PDE8B: variants seen among roughly 807,000 people sequenced by gnomAD.
The protein encoded by PDE8B is high affinity cAMP-specific and IBMX-insensitive 3',5'-cyclic phosphodiesterase 8B.
In PDE8B, 26 loss-of-function variants were observed where a neutral mutation model predicts 101.3. The ratio of observed to expected loss-of-function variants is 0.26; its 90% CI spans 0.19 to 0.36. The LOEUF (loss-of-function observed/expected upper bound fraction) is 0.36, where lower values mean the gene tolerates loss of function less well. Among genes scored for constraint, PDE8B ranks in the 10% least tolerant of loss-of-function variants. PDE8B has a pLI of 1.00. For synonymous variants in PDE8B, 424 were observed against 429.3 expected (o/e 0.99, Z 0.15); for missense variants, 810 against 1,163.1 (o/e 0.70, Z 4.42).
the PDE8B span, among the ~76,000 whole-genome samples, chr5:77,158,263 G>T: frequency 4.6e-5 from 7 of 152,188 alleles, no homozygotes; most frequent in African/African-American, 1.7e-4. Flanking sequence ...AATGCACAAA[G>T]AATTAACTCT....
At chr5:77,153,766 G>A in the PDE8B span, among the ~76,000 whole-genome samples, 6 of 151,896 alleles carry the variant, frequency 4.0e-5, no homozygotes, top group Admixed American at 3.9e-4. Context: ...GTAGAGACGG[G>A]GTTTCACCAT....
Position 77,211,105 on chromosome 5 carries a change from AC to A in PDE8B, c.186del (p.Ser63AlafsTer2). The part of the protein sequence containing the change: ...DAIPPSRASG[P>X]PSVARVRRAR... ...CCATCCCCCCGAGCCGCGCGTCGGG[AC>A]CCCCCAGCGTAGCCCGCGTCCGCAG... On this transcript the variant is annotated frameshift_variant, in exon 1 of 22. Transcript: ENST00000264917. LOFTEE classifies it high-confidence loss of function. This position sits in a 1 kb window ranked among gnomAD's most constrained non-coding sequence, Gnocchi z 4.1. The A allele has an allele frequency of 4.7e-6, 7 of 1,491,254 alleles. No individual in the cohort carries two copies. The highest frequency in any genetic ancestry group is 5.6e-5 in the East Asian group (2 of 35,424). 92.4% of individuals were successfully genotyped at this position (1,491,254 alleles called of 1,614,324 possible).
intron 11 of PDE8B, among the ~76,000 whole-genome samples, chr5:77,403,770 C>T (rs1048526788): frequency 6.6e-6 from 1 of 151,690 alleles, no homozygotes; most frequent in Non-Finnish European, 1.5e-5. Flanking sequence ...TTTACTAGTT[C>T]AATAGTTCCC....
the PDE8B span, among the ~76,000 whole-genome samples, chr5:77,150,043 T>C: frequency 1.3e-5 from 2 of 152,228 alleles, no homozygotes; most frequent in East Asian, 1.9e-4. Flanking sequence ...AGAGGACGTG[T>C]AGCAGAGCTT....
At chr5:77,301,417 C>T (rs1769906885) in intron 1 of PDE8B, among the ~76,000 whole-genome samples, 1 of 152,214 alleles carries the variant, frequency 6.6e-6, no homozygotes, top group African/African-American at 2.4e-5. Context: ...AATATCATCC[C>T]TCCCCACTTT....
intron 10 of PDE8B, among the ~76,000 whole-genome samples, chr5:77,396,512 G>T (rs1047104322): frequency 6.6e-6 from 1 of 152,136 alleles, no homozygotes; most frequent in Admixed American, 6.5e-5. Context: ...AATTCCACTG[G>T]TAACTCTTAC....
Position 77,405,825 on chromosome 5 carries a change from G to T in PDE8B, c.1288+1028G>T, listed in dbSNP as rs542741412. Among the ~76,000 whole-genome samples the T allele has an allele frequency of 1.6e-3, 248 of 152,296 alleles. 1 individual carries two copies. The highest frequency in any genetic ancestry group is 2.4e-3 in the Non-Finnish European group (161 of 68,020). On this transcript the variant is annotated intron_variant, in intron 12 of 21. Coordinates refer to ENST00000264917, the MANE Select transcript of PDE8B (RefSeq NM_003719.5). ...ACTAGTAGATTTCACTCGCTCATTT[G>T]ATTTTTATTTGGCAAATGGGAGGAC...
At chr5:77,116,224 A>ATATATATTTTTTTTTTT in the PDE8B span, among the ~76,000 whole-genome samples, 3 of 59,608 alleles carry the variant, frequency 5.0e-5, no homozygotes, top group African/African-American at 2.2e-4. Flanking sequence ...ATATATATAT[A>ATATATATTTTTTTTTTT]TTTTTTTTTT....
intron 10 of PDE8B, among the ~76,000 whole-genome samples, chr5:77,385,864 C>A (rs1157225763): frequency 6.9e-6 from 1 of 145,662 alleles, no homozygotes; most frequent in African/African-American, 2.6e-5. Context: ...TCTCAGCTCA[C>A]TGCAACCTCC....
chr5:77,341,197 T>C (rs1431850874), intron 6 of PDE8B, among the ~76,000 whole-genome samples: 1 of 152,166 alleles, frequency 6.6e-6, no homozygotes, highest in African/African-American at 2.4e-5. Context: ...TTTATTTAAA[T>C]AGAACCATCA....
intron 20 of PDE8B, 146 bp from the exon 21 acceptor site, chr5:77,425,619 CGT>C (rs1268646973): frequency 1.3e-6 from 1 of 775,508 alleles, no homozygotes; most frequent in African/African-American, 1.7e-5. Context: ...AGCTGACTTA[CGT>C]AAGTCTGAGG....
In PDE8B at chr5:77,233,669, T is replaced by A. The variant is rs571744923; in HGVS notation, c.339+22405T>A. ...CCCTGAAGCTCTGTGTGTGTGTGTG[T>A]GTGTGTGTGTGTGTGTGTGTGTGTG... On this transcript the variant is annotated intron_variant, in intron 1 of 21. Coordinates refer to ENST00000264917, the MANE Select transcript of PDE8B (RefSeq NM_003719.5). Among the ~76,000 whole-genome samples the A allele has an allele frequency of 8.3e-3, 855 of 102,974 alleles. 4 individuals are homozygous for A. The highest frequency in any genetic ancestry group is 0.028 in the Middle Eastern group (6 of 214). 67.6% of individuals were successfully genotyped at this position (102,974 alleles called of 152,430 possible).
intron 1 of PDE8B, chr5:77,290,424 C>T (rs572122659): frequency 6.3e-6 from 9 of 1,435,268 alleles, no homozygotes; most frequent in African/African-American, 2.8e-5. Flanking sequence ...AGCAAGAGTC[C>T]GACAGGCCAG....
intron 2 of PDE8B, 86 bp from the exon 3 acceptor site, chr5:77,325,453 G>C: frequency 8.3e-7 from 1 of 1,202,870 alleles, no homozygotes; most frequent in Non-Finnish European, 1.2e-6. Flanking sequence ...ACAGGCATGA[G>C]CCACTGCGCC....
chr5:77,124,756 G>C, the PDE8B span, among the ~76,000 whole-genome samples: 1 of 152,054 alleles, frequency 6.6e-6, no homozygotes, highest in African/African-American at 2.4e-5. Context: ...TAGCAGATTA[G>C]ACACTGCAGA....
intron 2 of PDE8B, 107 bp downstream of exon 2, chr5:77,312,160 G>A (rs1772815510): frequency 1.3e-6 from 1 of 796,488 alleles, no homozygotes; most frequent in Non-Finnish European, 2.1e-6. Context: ...CTGGAGTGTA[G>A]AGGCTCAGTC....
intron 15 of PDE8B, 74 bp from the exon 16 acceptor site, chr5:77,412,026 A>C: frequency 6.8e-7 from 1 of 1,476,418 alleles, no homozygotes; most frequent in Non-Finnish European, 9.5e-7. Context: ...AGTAACTATG[A>C]AGATGATGAC....
chr5:77,290,830 T>C (rs1016998933), intron 1 of PDE8B: 2 of 1,518,364 alleles, frequency 1.3e-6, no homozygotes, highest in Non-Finnish European at 1.8e-6. Flanking sequence ...AATGTCTGCC[T>C]CTGGAAAGGA....
the PDE8B span, chr5:77,088,285 G>A: frequency 6.6e-6 from 1 of 152,302 alleles, no homozygotes; most frequent in African/African-American, 2.4e-5. Flanking sequence ...CGTGATTCCC[G>A]GAGCCCAAAT....
Sources: allele counts gnomAD v4.1 joint callset (sites outside exome capture counted in the v4.1 genomes callset), GRCh38; gene constraint gnomAD v4.1.1; non-coding constraint Gnocchi (gnomAD v3.1); transcripts MANE v1.5; gene names NCBI Gene and HGNC (gene_info 2026-07-23, HGNC 2026-07-21).